The following TFEC variants were observed in gnomAD, a reference collection of about 807,000 sequenced individuals.
The protein encoded by TFEC is class E basic helix-loop-helix protein 34.
A neutral mutation model predicts 41.6 loss-of-function variants in TFEC; 31 were observed. That is an observed-to-expected ratio of 0.74 (90% confidence interval 0.56 to 1.01). The LOEUF (loss-of-function observed/expected upper bound fraction) is 1.01, where lower values mean the gene tolerates loss of function less well. Ranked by LOEUF, TFEC falls within the 50% of genes least tolerant of loss-of-function variation. The pLI is 0.00. For missense variants in TFEC, 402 were observed against 404.1 expected, an observed-to-expected ratio of 0.99 and a Z score of 0.04; for synonymous variants, 143 against 140.6, an observed-to-expected ratio of 1.02 and a Z score of -0.12.
At chr7:115,973,529 G>A (rs1793231351) in intron 3 of TFEC, among the ~76,000 whole-genome samples, 1 of 151,848 alleles carries the variant, frequency 6.6e-6, no homozygotes, top group Non-Finnish European at 1.5e-5. Flanking sequence ...ACCCTTTACA[G>A]ATAACATTTT....
At chr7:115,991,442 A>C (rs13230690) in intron 1 of TFEC, among the ~76,000 whole-genome samples, 20,836 of 152,232 alleles carry the variant, frequency 0.14, 1,923 homozygotes, top group Non-Finnish European at 0.21. Context: ...AATTGGATAA[A>C]GAGTCAAGAG....
At chr7:116,037,369 T>C (rs1795934390) in intron 3 of TFEC, among the ~76,000 whole-genome samples, 1 of 151,994 alleles carries the variant, frequency 6.6e-6, no homozygotes, top group Non-Finnish European at 1.5e-5. Flanking sequence ...CTATGTCTCC[T>C]AAGAAATTTA....
At chr7:116,033,443 A>G (rs991449645), upstream of TFEC, among the ~76,000 whole-genome samples, 6 of 152,110 alleles carry the variant, frequency 3.9e-5, no homozygotes, top group African/African-American at 1.4e-4. Context: ...ATAGAAGTAA[A>G]TTGTTTAAAT....
chr7:116,157,742 G>A (rs937370320), intron 1 of TFEC, among the ~76,000 whole-genome samples: 1 of 152,044 alleles, frequency 6.6e-6, no homozygotes, highest in African/African-American at 2.4e-5. Flanking sequence ...GCCTTCCCTA[G>A]GCATCCCCAA....
intron 3 of TFEC, among the ~76,000 whole-genome samples, chr7:115,958,816 T>C (rs1792375318): frequency 6.6e-6 from 1 of 151,892 alleles, no homozygotes; most frequent in Non-Finnish European, 1.5e-5. Flanking sequence ...CTATAGGTAC[T>C]TCTCTATTTC....
intron 3 of TFEC, among the ~76,000 whole-genome samples, chr7:116,060,712 T>G (rs368819012): frequency 2.0e-5 from 3 of 152,068 alleles, no homozygotes; most frequent in Non-Finnish European, 2.9e-5. Context: ...TCTACATGAA[T>G]GGGGAGATGG....
chr7:116,018,197 T>TA (rs891030080), intron 1 of TFEC, among the ~76,000 whole-genome samples: 3 of 152,188 alleles, frequency 2.0e-5, no homozygotes, highest in Non-Finnish European at 4.4e-5. Flanking sequence ...AGTGATGAGT[T>TA]TACTAAGATA....
intron 1 of TFEC, among the ~76,000 whole-genome samples, chr7:116,116,757 G>A (rs1473402052): frequency 6.6e-6 from 1 of 151,758 alleles, no homozygotes; most frequent in East Asian, 1.9e-4. Flanking sequence ...CTCATTGAAG[G>A]GTCTACTGAT....
chr7:116,014,832 G>C (rs1795130201), intron 1 of TFEC, among the ~76,000 whole-genome samples: 2 of 152,044 alleles, frequency 1.3e-5, no homozygotes, highest in African/African-American at 4.8e-5. Flanking sequence ...GTGGAAGTAG[G>C]TATCAGAGTG....
chr7:115,941,615 G>GTA (rs546469482), intron 7 of TFEC: 339 of 376,524 alleles, frequency 9.0e-4, no homozygotes, highest in African/African-American at 1.9e-3. Context: ...TTATATATGT[G>GTA]TATATATATA....
At chr7:116,078,078 C>A (rs1797002070) in intron 3 of TFEC, among the ~76,000 whole-genome samples, 1 of 152,022 alleles carries the variant, frequency 6.6e-6, no homozygotes, top group Non-Finnish European at 1.5e-5. Context: ...ATCAAATACT[C>A]TCTCAGGCTG....
At chr7:116,094,961 T>G (rs530747897) in intron 3 of TFEC, among the ~76,000 whole-genome samples, 1 of 152,346 alleles carries the variant, frequency 6.6e-6, no homozygotes, top group South Asian at 2.1e-4. Context: ...TATAACACAT[T>G]GTGCTTTAAA....
At chr7:116,079,535 A>C (rs1162494887) in intron 3 of TFEC, among the ~76,000 whole-genome samples, 1 of 152,124 alleles carries the variant, frequency 6.6e-6, no homozygotes, top group East Asian at 1.9e-4. Flanking sequence ...ATATACCAAC[A>C]GTGACCAAGC....
chr7:116,030,266 CA>C lies in TFEC; in HGVS notation c.-73+366del, dbSNP rs545105251. On this transcript the variant is annotated intron_variant, in intron 1 of 7. Transcript: ENST00000265440. ...AAAATAGATATTGCTCAAATGTAAACAAAAATTAATATTTACTCATAAAATA... is the reference window on the plus strand; with the variant it reads ...AAAATAGATATTGCTCAAATGTAAACAAAATTAATATTTACTCATAAAATA... Among the ~76,000 whole-genome samples the C allele has an allele frequency of 1.9e-3, 282 of 152,044 alleles. 1 individual carries two copies. Among genetic ancestry groups the C allele is most frequent in the African/African-American group, 6.4e-3 (266 of 41,500 alleles).
intron 7 of TFEC, chr7:115,941,581 T>C: frequency 3.0e-6 from 1 of 335,724 alleles, no homozygotes; most frequent in Non-Finnish European, 5.3e-6. Context: ...AGTTATATTT[T>C]ATGCATTTTG....
chr7:115,940,568 C>G lies in TFEC; in HGVS notation c.1027G>C (p.Asp343His), dbSNP rs374854122. The G allele has an allele frequency of 1.2e-6, 2 of 1,611,458 alleles. No individual in the cohort carries two copies. The highest frequency in any genetic ancestry group is 1.7e-6 in the Non-Finnish European group (2 of 1,178,572). Residue 343 changes from aspartate to histidine, a missense_variant, in exon 8 of 8, where the codon GAT (aspartate) becomes CAT (histidine). Coordinates refer to ENST00000265440, the MANE Select transcript of TFEC (RefSeq NM_012252.4). Reference protein sequence around the residue: ...SSRRSSFSSDDGDEL With the variant: ...SSRRSSFSSDHGDEL ...TTTATTTCTTATAATTCATCACCAT[C>G]ATCTGAGCTAAAGCTACTTCTCCTA...
In TFEC at chr7:115,938,485, A is replaced by G. The variant is rs1382515440; in HGVS notation, c.*2066T>C. On this transcript the variant is annotated 3_prime_UTR_variant, in exon 8 of 8. Coordinates refer to ENST00000265440, the MANE Select transcript of TFEC (RefSeq NM_012252.4). ...TGGCATATTTCAGATGAATTTATCT[A>G]TCAGGCTTTAATGACTGTACCCAGA... 1.3e-5 allele frequency: 2 copies of G among 151,952 alleles called. No homozygotes were observed. The highest frequency in any genetic ancestry group is 4.8e-5 in the African/African-American group (2 of 41,428). 9.4% of individuals were successfully genotyped at this position (151,952 alleles called of 1,614,324 possible).
intron 2 of TFEC, among the ~76,000 whole-genome samples, chr7:115,983,942 T>C (rs1027369813): frequency 6.6e-6 from 1 of 152,160 alleles, no homozygotes; most frequent in Admixed American, 6.5e-5. Flanking sequence ...ATTTAACTAC[T>C]GATAAATATT....
chr7:115,993,983 G>C (rs1169231742), intron 1 of TFEC, among the ~76,000 whole-genome samples: 1 of 152,176 alleles, frequency 6.6e-6, no homozygotes, highest in Non-Finnish European at 1.5e-5. Context: ...AACCAAAACA[G>C]CATGGTACTG....
Sources: allele counts gnomAD v4.1 joint callset (sites outside exome capture counted in the v4.1 genomes callset), GRCh38; gene constraint gnomAD v4.1.1; transcripts MANE v1.5; gene names NCBI Gene and HGNC (gene_info 2026-07-23, HGNC 2026-07-21).